The following SEMA6A variants were observed in gnomAD, a reference collection of about 807,000 sequenced individuals.
The protein encoded by SEMA6A is semaphorin-6A.
SEMA6A carries 25 observed loss-of-function variants against 96.8 expected under a neutral mutation model. The observed-to-expected ratio is 0.26, with a 90% CI of 0.19 to 0.36. The LOEUF is 0.36. Among genes scored for constraint, SEMA6A ranks in the 10% least tolerant of loss-of-function variants. The pLI is 1.00. For synonymous variants in SEMA6A, 612 were observed against 518.0 expected (o/e 1.18, Z -2.46); for missense variants, 1,363 against 1,323.1 (o/e 1.03, Z -0.47).
chr5:116,455,505 C>G (rs2112604067), intron 18 of SEMA6A, among the ~76,000 whole-genome samples: 1 of 152,266 alleles, frequency 6.6e-6, no homozygotes, highest in Middle Eastern at 3.4e-3. Flanking sequence ...CAAAGCATTT[C>G]TATTTTCCAA....
intron 6 of SEMA6A, among the ~76,000 whole-genome samples, 190 bp from the exon 7 acceptor site, chr5:116,492,020 G>T (rs1580430753): frequency 6.6e-6 from 1 of 152,054 alleles, no homozygotes; most frequent in African/African-American, 2.4e-5. Flanking sequence ...ATATTTTTAG[G>T]GGAAAGATGG....
At chr5:116,457,161 T>C (rs1444128019) in intron 18 of SEMA6A, among the ~76,000 whole-genome samples, 2 of 152,194 alleles carry the variant, frequency 1.3e-5, no homozygotes, top group Admixed American at 6.5e-5. Flanking sequence ...TTCTGCTGTG[T>C]GCTTTTAAAT....
intron 1 of SEMA6A, among the ~76,000 whole-genome samples, chr5:116,514,929 C>A (rs1396450854): frequency 6.6e-6 from 1 of 152,200 alleles, no homozygotes; most frequent in Non-Finnish European, 1.5e-5. Context: ...AGAACACATA[C>A]ACAAATTAAC....
At position 116,446,761 on chromosome 5, in the gene SEMA6A, G is replaced by C. The variant is rs931062657; in HGVS notation, c.2945C>G (p.Thr982Ser). 6.2e-7 allele frequency: 1 copy of C among 1,610,240 alleles called. No homozygotes were observed. The highest frequency in any genetic ancestry group is 8.5e-7 in the Non-Finnish European group (1 of 1,178,118). The change falls in exon 19 of 19, where the codon ACT (threonine) becomes AGT (serine). Residue 982 changes from threonine to serine, a missense_variant. Physicochemically the swap from Thr to Ser is moderately conservative, Grantham distance 58 (BLOSUM62 1). Around this residue, in one of 2 missense-constraint regions of SEMA6A, gnomAD observed 883 missense variants for 763.6 expected, o/e 1.16. Transcript: ENST00000343348. Reference sequence around the variant, plus strand: ...GTTGAGGCTGGGCTGCCTCGAGACAGTCACGGCCTGGCCAGATGGCTGGGA... The same window carrying C: ...GTTGAGGCTGGGCTGCCTCGAGACACTCACGGCCTGGCCAGATGGCTGGGA... Reference protein sequence around the residue: ...HSSQPSGQAVTVSRQPSLNAY... With the variant: ...HSSQPSGQAVSVSRQPSLNAY...
At chr5:116,487,490 G>C (rs1027377240) in intron 9 of SEMA6A, among the ~76,000 whole-genome samples, 1 of 151,724 alleles carries the variant, frequency 6.6e-6, no homozygotes, top group African/African-American at 2.4e-5. Context: ...ATACTGCATA[G>C]TTACAGTCTC....
intron 1 of SEMA6A, among the ~76,000 whole-genome samples, chr5:116,514,261 C>T (rs948584807): frequency 3.3e-5 from 5 of 152,132 alleles, no homozygotes; most frequent in Admixed American, 2.6e-4. Context: ...AGTGTAAAAG[C>T]GTTCCTTTTG....
chr5:116,557,125 G>C (rs1760637404), intron 1 of SEMA6A, among the ~76,000 whole-genome samples: 2 of 152,214 alleles, frequency 1.3e-5, no homozygotes, highest in African/African-American at 4.8e-5. Context: ...GTTTGTAATA[G>C]AAAAATGTGT....
At chr5:116,526,727 T>C (rs1249036291) in intron 1 of SEMA6A, among the ~76,000 whole-genome samples, 2 of 152,210 alleles carry the variant, frequency 1.3e-5, no homozygotes, top group Non-Finnish European at 2.9e-5. Context: ...CTTTCTTTTT[T>C]AAAGGCCTTA....
chr5:116,496,218 G>A (rs372891375), intron 5 of SEMA6A, 33 bp downstream of exon 5: 3 of 1,585,332 alleles, frequency 1.9e-6, no homozygotes, highest in African/African-American at 1.4e-5. Context: ...TTAACCCAAA[G>A]TGGCAGCTGC....
At chr5:116,459,813 A>C (rs1181517188) in intron 18 of SEMA6A, among the ~76,000 whole-genome samples, 1 of 152,126 alleles carries the variant, frequency 6.6e-6, no homozygotes, top group African/African-American at 2.4e-5. Flanking sequence ...ATCCCTCACT[A>C]AACTGTAAGC....
chr5:116,460,063 TA>T lies in SEMA6A; in HGVS notation c.1894+7519del, dbSNP rs1230509995. Among the ~76,000 whole-genome samples the T allele has an allele frequency of 2.6e-4, 38 of 145,822 alleles. No homozygotes were observed. The Middle Eastern group carries it at 0.01, about 39-fold the overall frequency. On this transcript the variant is annotated intron_variant, in intron 18 of 18. Coordinates refer to ENST00000343348, the MANE Select transcript of SEMA6A (RefSeq NM_020796.5). The stretch of plus-strand genomic sequence containing the variant: ...CAAAGCCATGAAAATGATAAAAAAA[TA>T]AAAATAAAAATAAAAAGGAGGGCAG...
chr5:116,487,561 T>C (rs967173817), intron 9 of SEMA6A, among the ~76,000 whole-genome samples: 1 of 151,992 alleles, frequency 6.6e-6, no homozygotes, highest in Non-Finnish European at 1.5e-5. Context: ...GGAAACCACA[T>C]CTCAAGACAC....
intron 1 of SEMA6A, among the ~76,000 whole-genome samples, chr5:116,541,673 A>C (rs1295580659): frequency 1.3e-5 from 2 of 152,168 alleles, no homozygotes; most frequent in Non-Finnish European, 2.9e-5. Flanking sequence ...TCTCTACTAA[A>C]GATACAAAAA....
intron 1 of SEMA6A, among the ~76,000 whole-genome samples, chr5:116,558,849 A>G (rs1285189322): frequency 6.6e-6 from 1 of 152,250 alleles, no homozygotes; most frequent in African/African-American, 2.4e-5. Flanking sequence ...TCAGTTGCAC[A>G]TGGCAATTTA....
At chr5:116,475,053 A>AT (rs1756380956) in intron 16 of SEMA6A, among the ~76,000 whole-genome samples, 1 of 152,032 alleles carries the variant, frequency 6.6e-6, no homozygotes, top group Non-Finnish European at 1.5e-5. Context: ...TATTTCTGAA[A>AT]TTTTTTTTCC....
At chr5:116,565,229 T>G (rs550274450) in intron 1 of SEMA6A, among the ~76,000 whole-genome samples, 98 of 152,318 alleles carry the variant, frequency 6.4e-4, no homozygotes, top group African/African-American at 2.2e-3. Context: ...AGGGAGACAC[T>G]CTCAGAAGTT....
rs1318164667 is a variant in SEMA6A, at chr5:116,467,592, C to G, written c.1885G>C (p.Asp629His). ...LGAVSSHNHQ[D>H]KKGVIRESYL... ...ATTTCCAAGGCCTTACCCTTCTTGT[C>G]TTGGTGATTATGGGAAGACACTGCC... is the stretch of plus-strand genomic sequence containing the variant. The change falls in exon 18 of 19, where the codon GAC becomes CAC. Residue 629 changes from aspartate to histidine, a missense_variant. Transcript: ENST00000343348. 2.5e-6 allele frequency: 4 copies of G among 1,612,656 alleles called. No homozygotes were observed. In the East Asian group the frequency reaches 8.9e-5, roughly 36 times the overall value.
chr5:116,518,443 A>G (rs1412237692), intron 1 of SEMA6A, among the ~76,000 whole-genome samples: 1 of 152,242 alleles, frequency 6.6e-6, no homozygotes, highest in Non-Finnish European at 1.5e-5. Flanking sequence ...CCATTCCCAT[A>G]ATTAATAGCA....
chr5:116,565,926 G>A (rs1761006228), intron 1 of SEMA6A, among the ~76,000 whole-genome samples: 1 of 152,156 alleles, frequency 6.6e-6, no homozygotes, highest in Non-Finnish European at 1.5e-5. Context: ...CTGGGGGAGG[G>A]GCGGGGAAGT....
Sources: gnomAD v4.1 joint callset for allele counts (sites outside exome capture counted in the v4.1 genomes callset) on GRCh38, gnomAD v4.1.1 for gene constraint, gnomAD v4.1.1 regional missense constraint, MANE v1.5 for transcripts, NCBI Gene and HGNC (gene_info 2026-07-23, HGNC 2026-07-21) for gene names.